The following CLMN variants were observed in gnomAD, a reference collection of about 807,000 sequenced individuals.
CLMN encodes calmin.
A neutral mutation model predicts 92.7 loss-of-function variants in CLMN; 57 were observed. The observed-to-expected ratio is 0.61, with a 90% CI of 0.50 to 0.77. The LOEUF (loss-of-function observed/expected upper bound fraction) is 0.77. Ranked by LOEUF, CLMN falls within the 30% of genes least tolerant of loss-of-function variation. The pLI is 0.00. For synonymous variants in CLMN, 466 were observed against 470.6 expected, an observed-to-expected ratio of 0.99 and a Z score of 0.13; for missense variants, 1,158 against 1,237.5, an observed-to-expected ratio of 0.94 and a Z score of 0.96.
chr14:95,193,294 A>G (rs1370405764), intron 12 of CLMN: 2 of 1,475,842 alleles, frequency 1.4e-6, no homozygotes, highest in Non-Finnish European at 1.8e-6. Flanking sequence ...GGCCAGGCCA[A>G]CAGTTCTCCG....
Position 95,221,766 on chromosome 14 carries a change from T to A in CLMN, c.249A>T (p.Glu83Asp). 6.2e-7 allele frequency: 1 copy of A among 1,614,198 alleles called. No individual in the cohort carries two copies. The highest frequency in any genetic ancestry group is 8.5e-7 in the Non-Finnish European group (1 of 1,180,022). The change falls in exon 4 of 13, where the codon GAA (glutamate) becomes GAT (aspartate). Residue 83 changes from glutamate to aspartate, a missense_variant. Physicochemically the swap from Glu to Asp is conservative, Grantham distance 45. Coordinates refer to ENST00000298912, the MANE Select transcript of CLMN (RefSeq NM_024734.4). ...AAATACGATGCGACGAGGATTTGTA[T>A]TCGTGCAGCTATAAAACAGAACAGA... ...EVLSGRNLLH[E>D]YKSSSHRIFR...
chr14:95,219,957 A>G (rs1027956040), intron 4 of CLMN, among the ~76,000 whole-genome samples: 3 of 152,082 alleles, frequency 2.0e-5, no homozygotes, highest in African/African-American at 7.2e-5. Context: ...ACCACCCCTC[A>G]TCCCCCTGTC....
intron 1 of CLMN, among the ~76,000 whole-genome samples, chr14:95,231,478 G>A (rs895442324): frequency 7.2e-5 from 11 of 152,116 alleles, no homozygotes; most frequent in East Asian, 1.9e-4. Context: ...GATTACAGGC[G>A]TGAGCCACCG....
chr14:95,185,716 G>C lies in CLMN; in HGVS notation c.*5848C>G, dbSNP rs965233638. ...GGACCTGAGGGCGCAAGGCTCCACAGAGGAATACCGGCGGGGAATGCAGTG... is the reference window on the plus strand; with the variant it reads ...GGACCTGAGGGCGCAAGGCTCCACACAGGAATACCGGCGGGGAATGCAGTG... On this transcript the variant is annotated 3_prime_UTR_variant, in exon 13 of 13. Coordinates refer to ENST00000298912, the MANE Select transcript of CLMN (RefSeq NM_024734.4). The C allele has an allele frequency of 1.3e-5, 2 of 152,092 alleles. No individual in the cohort carries two copies. The highest frequency in any genetic ancestry group is 4.8e-5 in the African/African-American group (2 of 41,408). 9.4% of individuals were successfully genotyped at this position (152,092 alleles called of 1,614,324 possible).
chr14:95,242,474 G>A (rs2140657324), intron 1 of CLMN, among the ~76,000 whole-genome samples: 1 of 152,142 alleles, frequency 6.6e-6, no homozygotes, highest in Non-Finnish European at 1.5e-5. Context: ...TGGCCAGGCT[G>A]GTCTCGAGCT....
chr14:95,246,914 CTACTCT>C (rs1898595459), intron 1 of CLMN, among the ~76,000 whole-genome samples: 2 of 152,192 alleles, frequency 1.3e-5, no homozygotes, highest in African/African-American at 2.4e-5. Context: ...ACCTTAACTG[CTACTCT>C]GTGAATCTAA....
At chr14:95,210,623 G>A in intron 7 of CLMN, 63 bp downstream of exon 7, 1 of 1,518,512 alleles carries the variant, frequency 6.6e-7, no homozygotes, top group African/African-American at 1.4e-5. Flanking sequence ...TTTTCCACAT[G>A]GGACAGCAAG....
chr14:95,192,983 T>C, intron 12 of CLMN: 1 of 233,478 alleles, frequency 4.3e-6, no homozygotes, highest in African/African-American at 2.3e-5. Context: ...TTCCATTTCA[T>C]GGCAGGGGAA....
intron 1 of CLMN, among the ~76,000 whole-genome samples, chr14:95,269,641 C>G (rs1899627103): frequency 6.6e-6 from 1 of 152,244 alleles, no homozygotes; most frequent in Non-Finnish European, 1.5e-5. Context: ...CAACCTGAAC[C>G]CCACCAGGCT....
In CLMN at chr14:95,310,725, G is replaced by A. The variant is rs142023367; in HGVS notation, c.82+8986C>T. On this transcript the variant is annotated intron_variant, in intron 1 of 12. Transcript: ENST00000298912. ...ACAGGGCTGTGAGTTCTGTCCAGGA[G>A]GGCACACACAGGGCCCAAAAAGGCT... Among the ~76,000 whole-genome samples the A allele has an allele frequency of 3.2e-4, 48 of 152,312 alleles. No individual in the cohort carries two copies. In the East Asian group the frequency reaches 7.9e-3, roughly 25 times the overall value.
chr14:95,262,844 G>C (rs956962519), intron 1 of CLMN, among the ~76,000 whole-genome samples: 1 of 152,174 alleles, frequency 6.6e-6, no homozygotes, highest in African/African-American at 2.4e-5. Flanking sequence ...GGGGTTTCAG[G>C]CATGAGCTAC....
chr14:95,278,549 C>T (rs2140735150), intron 1 of CLMN, among the ~76,000 whole-genome samples: 1 of 152,184 alleles, frequency 6.6e-6, no homozygotes, highest in Non-Finnish European at 1.5e-5. Context: ...TCATGGAACC[C>T]CAGAAATTGA....
chr14:95,222,735 G>T, intron 3 of CLMN: 1 of 386,326 alleles, frequency 2.6e-6, no homozygotes, highest in Non-Finnish European at 5.1e-6. Context: ...GTTCATCACT[G>T]AATACTGCGT....
chr14:95,255,835 C>T (rs1218498969), intron 1 of CLMN, among the ~76,000 whole-genome samples: 1 of 152,080 alleles, frequency 6.6e-6, no homozygotes, highest in African/African-American at 2.4e-5. Context: ...TAATGCATCC[C>T]TCATGAAGTT....
intron 1 of CLMN, among the ~76,000 whole-genome samples, chr14:95,275,875 T>C (rs948151559): frequency 2.6e-5 from 4 of 151,806 alleles, no homozygotes; most frequent in African/African-American, 9.7e-5. Context: ...GTTGCCTAGG[T>C]TGGTCTCGAG....
At chr14:95,253,624 T>G (rs561130475) in intron 1 of CLMN, among the ~76,000 whole-genome samples, 1 of 147,174 alleles carries the variant, frequency 6.8e-6, no homozygotes, top group African/African-American at 2.7e-5. Context: ...TTTGTTTTTT[T>G]TTTTTTGAGA....
intron 9 of CLMN, among the ~76,000 whole-genome samples, chr14:95,201,971 G>T (rs1388766073): frequency 6.6e-6 from 1 of 152,136 alleles, no homozygotes; most frequent in Non-Finnish European, 1.5e-5. Context: ...TCTTTATCCA[G>T]TCTATCACTG....
intron 1 of CLMN, among the ~76,000 whole-genome samples, chr14:95,246,807 G>A (rs1158209205): frequency 6.6e-6 from 1 of 152,158 alleles, no homozygotes; most frequent in Non-Finnish European, 1.5e-5. Context: ...CCTGATCTGT[G>A]GGCCTCACCA....
Position 95,202,875 on chromosome 14 carries a change from C to T in CLMN, c.2474G>A (p.Arg825Lys), listed in dbSNP as rs753335042. 127 of 1,558,716 alleles carry T rather than the reference C, an allele frequency of 8.1e-5. No individual in the cohort carries two copies. Among genetic ancestry groups the T allele is most frequent in the Admixed American group, 1.6e-4 (8 of 48,656 alleles). The change falls in exon 9 of 13, where the codon AGG becomes AAG. Residue 825 changes from arginine to lysine, a missense_variant. Arg to Lys is a conservative substitution (Grantham distance 26, BLOSUM62 2). Transcript: ENST00000298912. Reference sequence around the variant, plus strand: ...CATGGGGTCATTCTCTTTGGTCTCCCTTTGCTGGTGGTCCTCATGGGGGGC... The same window carrying T: ...CATGGGGTCATTCTCTTTGGTCTCCTTTTGCTGGTGGTCCTCATGGGGGGC... ...PLAPHEDHQQ[R>K]ETKENDPMDS...
Sources: allele counts gnomAD v4.1 joint callset (sites outside exome capture counted in the v4.1 genomes callset), GRCh38; gene constraint gnomAD v4.1.1; transcripts MANE v1.5; gene names NCBI Gene and HGNC (gene_info 2026-07-23, HGNC 2026-07-21).